The following MFRP variants were observed in gnomAD, a reference collection of about 807,000 sequenced individuals.
The protein encoded by MFRP is membrane frizzled-related protein.
In MFRP, 74 loss-of-function variants were observed where a neutral mutation model predicts 65.8. The ratio of observed to expected loss-of-function variants is 1.12; its 90% CI spans 0.93 to 1.36. MFRP has a LOEUF of 1.36. Among genes scored for constraint, MFRP ranks in the 40% most tolerant of loss-of-function variants. MFRP has a pLI of 0.00. For missense variants in MFRP, 838 were observed against 736.0 expected, an observed-to-expected ratio of 1.14 and a Z score of -1.60; for synonymous variants, 336 against 288.3, an observed-to-expected ratio of 1.17 and a Z score of -1.68.
chr11:119,346,650 T>C lies in MFRP; in HGVS notation c.-137A>G. The C allele has an allele frequency of 3.5e-6, 3 of 849,124 alleles. No individual in the cohort carries two copies. The highest frequency in any genetic ancestry group is 2.6e-5 in the East Asian group (1 of 38,844). 52.6% of individuals were successfully genotyped at this position (849,124 alleles called of 1,614,324 possible). A position where few individuals can be genotyped will look rare whatever the true frequency, so the allele number is the denominator to read the frequency against. On this transcript the variant is annotated 5_prime_UTR_variant, in exon 1 of 15. Coordinates refer to ENST00000619721, the MANE Select transcript of MFRP (RefSeq NM_031433.4). ...GGAAAAGGCTGCCAGGCTAGACCAG[T>C]TCTTGGGCTGTCCTTGGTAGAGTGG... is the stretch of plus-strand genomic sequence containing the variant.
At chr11:119,344,024 C>T (rs1368776498) in intron 8 of MFRP, 60 bp from the exon 9 acceptor site, 1 of 1,602,982 alleles carries the variant, frequency 6.2e-7, no homozygotes, top group Admixed American at 1.7e-5. Context: ...TCCCGGGCAC[C>T]CAGAAGGGTC....
rs777183737 is a variant in MFRP at position 119,343,922 on chromosome 11, C to G, written c.1018G>C (p.Glu340Gln). The change falls in exon 9 of 15, where the codon GAA (glutamate) becomes CAA (glutamine). Residue 340 changes from glutamate (E) to glutamine (Q), a missense_variant. Glu to Gln is a conservative substitution (Grantham distance 29). Coordinates refer to ENST00000619721, the MANE Select transcript of MFRP (RefSeq NM_031433.4). ...AGGCTGAAGTTGTGGAACTGTAGTT[C>G]TATGCTGTGTCCGGCAGGCACCGAG... ...HISVPAGHSI[E>Q]LQFHNFSLEA... 6.2e-7 allele frequency: 1 copy of G among 1,613,426 alleles called. No individual in the cohort carries two copies.
chr11:119,342,126 AG>A, intron 11 of MFRP, 142 bp from the exon 12 acceptor site: 2 of 1,006,888 alleles, frequency 2.0e-6, no homozygotes, highest in African/African-American at 1.6e-5. Flanking sequence ...ACAAAGAGAC[AG>A]GCTGTACACA....
Position 119,340,802 on chromosome 11 carries a change from C to A in MFRP, c.*746G>T, listed in dbSNP as rs1368902904. 1.2e-5 allele frequency: 3 copies of A among 254,872 alleles called. No individual in the cohort carries two copies. Among genetic ancestry groups the A allele is most frequent in the African/African-American group, 4.7e-5 (2 of 42,900 alleles). 15.8% of individuals were successfully genotyped at this position (254,872 alleles called of 1,614,324 possible). A position where few individuals can be genotyped will look rare whatever the true frequency, so the allele number is the denominator to read the frequency against. ...CTTCTCCCCGGCCAGGCGCCCCCTG[C>A]CCTGCCGTCACCCCAGTCCTGGTTC... is the stretch of plus-strand genomic sequence containing the variant. On this transcript the variant is annotated 3_prime_UTR_variant, in exon 13 of 15. Coordinates refer to ENST00000619721, the MANE Select transcript of MFRP (RefSeq NM_031433.4).
At position 119,341,129 on chromosome 11, in the gene MFRP, T is replaced by G. The variant is rs1591301236; in HGVS notation, c.*419A>C. The G allele has an allele frequency of 4.5e-6, 1 of 222,362 alleles. No homozygotes were observed. The highest frequency in any genetic ancestry group is 9.0e-6 in the Non-Finnish European group (1 of 110,524). The allele number at this position is 222,362 out of a possible 1,614,324, so 13.8% of individuals were successfully genotyped here. A position where few individuals can be genotyped will look rare whatever the true frequency, so the allele number is the denominator to read the frequency against. On this transcript the variant is annotated 3_prime_UTR_variant, in exon 13 of 15. Coordinates refer to ENST00000619721, the MANE Select transcript of MFRP (RefSeq NM_031433.4). ...GGAGAAATACGCAGAGAGATGAGGG[T>G]GGAGAGTTCTAGAGGCAGACAGCCA...
rs779621786 is a variant in MFRP at position 119,339,824 on chromosome 11, G to C, written c.*1135C>G. ...GGGTCCCGCCTCTCCTCGCGGCCCG[G>C]GGTCCCCTCGAGGTCCCGGCAGTCC... On this transcript the variant is annotated 3_prime_UTR_variant, in exon 15 of 15. Transcript: ENST00000619721. The surrounding 1 kb of genome is among the most constrained non-coding windows in gnomAD (Gnocchi z 5.4). 1.8e-5 allele frequency: 27 copies of C among 1,512,454 alleles called. No individual in the cohort carries two copies. The highest frequency in any genetic ancestry group is 2.3e-5 in the Non-Finnish European group (26 of 1,137,006). The allele number at this position is 1,512,454 out of a possible 1,614,324, so 93.7% of individuals were successfully genotyped here.
In MFRP at chr11:119,346,361, T is replaced by C; in HGVS notation, c.68A>G (p.Asn23Ser). The change falls in exon 2 of 15, where the codon AAT becomes AGT. Residue 23 changes from asparagine (N) to serine (S), a missense_variant. Transcript: ENST00000619721. ...ATESSKTEFC[N>S]PAFEPESGPP... ...CCCAGACTCAGGCTCGAAGGCAGGA[T>C]TGCAGAACTCGGTCTGGAAGGGGGA... is the stretch of plus-strand genomic sequence containing the variant. The C allele has an allele frequency of 1.9e-6, 3 of 1,613,990 alleles. No homozygotes were observed. The highest frequency in any genetic ancestry group is 1.3e-5 in the African/African-American group (1 of 74,992).
chr11:119,344,667 C>T lies in MFRP; in HGVS notation c.863G>A (p.Gly288Asp). ...GGCACTGCAATTGGTCTCATCACTG[C>T]CGTCAGCACAGTTGGCAAAACCATC... Reference protein sequence around the residue: ...VCDGFANCADGSDETNCSAKF... With the variant: ...VCDGFANCADDSDETNCSAKF... Residue 288 changes from glycine to aspartate, a missense_variant, in exon 7 of 15, where the codon GGC becomes GAC. By Grantham distance (94) the Gly-to-Asp change is moderately conservative. Transcript: ENST00000619721. 6.2e-7 allele frequency: 1 copy of T among 1,614,088 alleles called. No homozygotes were observed. Among genetic ancestry groups the T allele is most frequent in the South Asian group, 1.1e-5 (1 of 91,082 alleles).
At chr11:119,342,801 G>T (rs1017825378) in intron 10 of MFRP, 72 bp downstream of exon 10, 1 of 1,612,968 alleles carries the variant, frequency 6.2e-7, no homozygotes, top group Non-Finnish European at 8.5e-7. Context: ...GTCCTGACCA[G>T]GGTCCAGAGC....
chr11:119,342,446 C>G, intron 11 of MFRP, 150 bp downstream of exon 11: 1 of 978,840 alleles, frequency 1.0e-6, no homozygotes. Context: ...TCTTCCAGGA[C>G]TCTGTGAAGT....
chr11:119,342,469 A>G, intron 11 of MFRP, 127 bp downstream of exon 11: 1 of 1,246,194 alleles, frequency 8.0e-7, no homozygotes, highest in South Asian at 1.4e-5. Flanking sequence ...TCCCAGAGTC[A>G]GGATGGTGAG....
Position 119,340,220 on chromosome 11 carries a change from CG to C in MFRP, c.*1073del. 1 of 1,513,878 alleles carries C rather than the reference CG, an allele frequency of 6.6e-7. No individual in the cohort carries two copies. Among genetic ancestry groups the C allele is most frequent in the Non-Finnish European group, 8.8e-7 (1 of 1,133,846 alleles). 93.8% of individuals were successfully genotyped at this position (1,513,878 alleles called of 1,614,324 possible). A position where few individuals can be genotyped will look rare whatever the true frequency, so the allele number is the denominator to read the frequency against. The stretch of plus-strand genomic sequence containing the variant: ...CCCTCGCCTTTCTCTCCCGGAGCCC[CG>C]GGCGCGCCGTCGCGGCCGTCGCGGC... On this transcript the variant is annotated 3_prime_UTR_variant, in exon 14 of 15. Transcript: ENST00000619721.
chr11:119,345,937 G>T lies in MFRP; in HGVS notation c.272-9C>A. The T allele has an allele frequency of 6.2e-7, 1 of 1,613,756 alleles. No homozygotes were observed. The highest frequency in any genetic ancestry group is 8.5e-7 in the Non-Finnish European group (1 of 1,179,946). The stretch of plus-strand genomic sequence containing the variant: ...GGGTGCAGCCTGCAGCTCTGGAGGC[G>T]AGAAGATGGAGGGTGGCGTTCAGAG... On this transcript the variant is annotated splice_polypyrimidine_tract_variant and intron_variant, in intron 3 of 14. Transcript: ENST00000619721.
At position 119,346,086 on chromosome 11, in the gene MFRP, G is replaced by C; in HGVS notation, c.231C>G (p.Leu77=). The C allele has an allele frequency of 6.2e-7, 1 of 1,609,422 alleles. No homozygotes were observed. The highest frequency in any genetic ancestry group is 8.5e-7 in the Non-Finnish European group (1 of 1,177,906). Residue 77 remains leucine, a synonymous_variant, in exon 3 of 15, where the codon CTC becomes CTG. Coordinates refer to ENST00000619721, the MANE Select transcript of MFRP (RefSeq NM_031433.4). ...WLCVLLLSSL[L]LLLLGLLVAI... is the part of the protein sequence containing the mutation. ...CCACCAGCAGCCCAAGCAGCAGGAG[G>C]AGCAGGCTGGAGAGCAGGAGGACAC...
intron 5 of MFRP, 66 bp from the exon 6 acceptor site, chr11:119,345,070 C>A: frequency 6.4e-7 from 1 of 1,561,470 alleles, no homozygotes; most frequent in Non-Finnish European, 8.7e-7. Context: ...AGGAGCTTGC[C>A]TGGGCCTTGC....
intron 9 of MFRP, among the ~76,000 whole-genome samples, chr11:119,343,387 T>C (rs1279199162): frequency 6.6e-6 from 1 of 152,210 alleles, no homozygotes; most frequent in South Asian, 2.1e-4. Flanking sequence ...CGTGGTGGCA[T>C]GTGCCTGTGA....
In MFRP at chr11:119,344,715, C is replaced by T. The variant is rs1260603008; in HGVS notation, c.815G>A (p.Cys272Tyr). ...HDEFRCDQLI[C>Y]LLPDSVCDGF... ...ATCACACACTGAGTCAGGTAGCAGG[C>T]AGATGAGCTGGTCACAGCGGAACTC... The change falls in exon 7 of 15, where the codon TGC becomes TAC. Residue 272 changes from cysteine (C) to tyrosine (Y), a missense_variant. By Grantham distance (194) the Cys-to-Tyr change is radical. Coordinates refer to ENST00000619721, the MANE Select transcript of MFRP (RefSeq NM_031433.4). 6.2e-7 allele frequency: 1 copy of T among 1,613,930 alleles called. No homozygotes were observed. The highest frequency in any genetic ancestry group is 1.3e-5 in the African/African-American group (1 of 74,944).
In MFRP at chr11:119,346,273, A is replaced by AT; in HGVS notation, c.155dup (p.His52GlnfsTer52). On this transcript the variant is annotated frameshift_variant and splice_region_variant, in exon 2 of 15. Transcript: ENST00000619721. LOFTEE classifies it high-confidence loss of function. Reference sequence around the variant, plus strand: ...CAGGTCACCCCCTGGGATGGTTACCATGCCAGGGAGCTGGGACGCTGTAGC... The same window carrying AT: ...CAGGTCACCCCCTGGGATGGTTACCATTGCCAGGGAGCTGGGACGCTGTAGC... 1 of 1,612,162 alleles carries AT rather than the reference A, an allele frequency of 6.2e-7. No homozygotes were observed. The highest frequency in any genetic ancestry group is 8.5e-7 in the Non-Finnish European group (1 of 1,179,198).
At position 119,345,874 on chromosome 11, in the gene MFRP, C is replaced by G. The variant is rs775861737; in HGVS notation, c.326G>C (p.Gly109Ala). 1 of 1,613,504 alleles carries G rather than the reference C, an allele frequency of 6.2e-7. No homozygotes were observed. The highest frequency in any genetic ancestry group is 1.3e-5 in the African/African-American group (1 of 74,876). The change falls in exon 4 of 15, where the codon GGC becomes GCC. Residue 109 changes from glycine (G) to alanine (A), a missense_variant. Gly to Ala is a moderately conservative substitution (Grantham distance 60). Coordinates refer to ENST00000619721, the MANE Select transcript of MFRP (RefSeq NM_031433.4). ...GASHSPLPAGGLTTTTTTPTI... is the reference protein window; with the variant it reads ...GASHSPLPAGALTTTTTTPTI... ...GGGGGTGGTGGTGGTCGTGGTAAGG[C>G]CTCCGGCAGGCAGTGGGCTATGGGA...
Sources: allele counts gnomAD v4.1 joint callset (sites outside exome capture counted in the v4.1 genomes callset), GRCh38; gene constraint gnomAD v4.1.1; non-coding constraint Gnocchi (gnomAD v3.1); transcripts MANE v1.5; gene names NCBI Gene and HGNC (gene_info 2026-07-23, HGNC 2026-07-21).